The following VPS36 variants were observed in gnomAD, a reference collection of about 807,000 sequenced individuals.
The protein encoded by VPS36 is vacuolar protein-sorting-associated protein 36.
VPS36 carries 31 observed loss-of-function variants against 63.5 expected under a neutral mutation model. That is an observed-to-expected ratio of 0.49 (90% CI 0.37 to 0.66). The LOEUF (loss-of-function observed/expected upper bound fraction) is 0.66, where lower values mean the gene tolerates loss of function less well. Ranked by LOEUF, VPS36 falls within the 30% of genes least tolerant of loss-of-function variation. VPS36 has a pLI of 0.00. For missense variants in VPS36, 338 were observed against 463.7 expected, an observed-to-expected ratio of 0.73 and a Z score of 2.49; for synonymous variants, 138 against 157.2, an observed-to-expected ratio of 0.88 and a Z score of 0.91.
chr13:52,427,948 T>C (rs1958120178), intron 6 of VPS36, among the ~76,000 whole-genome samples: 1 of 152,172 alleles, frequency 6.6e-6, no homozygotes, highest in African/African-American at 2.4e-5. Flanking sequence ...AAAATGGCAA[T>C]ACACAGCTGC....
chr13:52,434,757 TG>T (rs771888206), intron 5 of VPS36, 35 bp downstream of exon 5: 1 of 1,578,550 alleles, frequency 6.3e-7, no homozygotes, highest in Non-Finnish European at 8.7e-7. Flanking sequence ...AGTACAGAGT[TG>T]AAAATACTGG....
At chr13:52,440,894 G>A (rs1394534985) in intron 2 of VPS36, among the ~76,000 whole-genome samples, 1 of 152,162 alleles carries the variant, frequency 6.6e-6, no homozygotes, top group Non-Finnish European at 1.5e-5. Context: ...AGCAGGGGTT[G>A]TGGTTTCAGG....
intron 6 of VPS36, among the ~76,000 whole-genome samples, chr13:52,430,503 G>C (rs957184631): frequency 6.6e-6 from 1 of 151,876 alleles, no homozygotes. Flanking sequence ...GTGGTGGCAC[G>C]CACCTGTAGT....
At chr13:52,445,099 TCATGAGAGATTGTCCC>T (rs1185561815) in intron 1 of VPS36, among the ~76,000 whole-genome samples, 2 of 152,180 alleles carry the variant, frequency 1.3e-5, no homozygotes, top group African/African-American at 2.4e-5. Flanking sequence ...TAAATACACT[TCATGAGAGATTGTCCC>T]ACCAACAAAC....
At chr13:52,429,661 G>C (rs911741191) in intron 6 of VPS36, among the ~76,000 whole-genome samples, 6 of 152,146 alleles carry the variant, frequency 3.9e-5, no homozygotes, top group African/African-American at 1.4e-4. Flanking sequence ...TTAATGGTCC[G>C]TATGGTGAGC....
chr13:52,442,665 A>G (rs1435667361), intron 1 of VPS36, among the ~76,000 whole-genome samples: 2 of 152,224 alleles, frequency 1.3e-5, no homozygotes, highest in Non-Finnish European at 2.9e-5. Flanking sequence ...ACAACCAGGT[A>G]TGATACACAT....
intron 10 of VPS36, among the ~76,000 whole-genome samples, chr13:52,419,057 A>G (rs902349909): frequency 9.8e-5 from 15 of 152,346 alleles, no homozygotes; most frequent in Admixed American, 6.5e-4. Flanking sequence ...TATTGGGAGG[A>G]TAAATGAGGT....
In VPS36 at chr13:52,415,878, T is replaced by C. The variant is rs1408984833; in HGVS notation, c.1113A>G (p.Ser371=). 2.5e-6 allele frequency: 4 copies of C among 1,613,884 alleles called. No individual in the cohort carries two copies. The African/African-American group carries it at 4.0e-5, about 16-fold the overall frequency. Residue 371 remains serine (S), a synonymous_variant, in exon 14 of 14, where the codon TCA becomes TCG. Coordinates refer to ENST00000378060, the MANE Select transcript of VPS36 (RefSeq NM_016075.4). ...EKMGHLCRDD[S]VEGLRFYPNL... ...TTGGGTAAAAACGCAGGCCTTCCAC[T>C]GAGTCATCACGGCAAAGATGGCCCA...
intron 6 of VPS36, among the ~76,000 whole-genome samples, chr13:52,431,753 ACT>A (rs1311677801): frequency 3.5e-5 from 5 of 143,224 alleles, no homozygotes; most frequent in Non-Finnish European, 3.0e-5. Flanking sequence ...ACAGAGTAAG[ACT>A]CTGTCTCAAA....
At chr13:52,425,868 A>G in intron 9 of VPS36, 64 bp downstream of exon 9, 1 of 1,485,346 alleles carries the variant, frequency 6.7e-7, no homozygotes, top group South Asian at 1.5e-5. Context: ...TCTTGTTAAC[A>G]TTTCTAATGA....
Position 52,442,390 on chromosome 13 carries a change from T to A in VPS36, c.152A>T (p.Asp51Val), listed in dbSNP as rs1958288893. The A allele has an allele frequency of 6.2e-7, 1 of 1,605,722 alleles. No individual in the cohort carries two copies. Among genetic ancestry groups the A allele is most frequent in the Non-Finnish European group, 8.5e-7 (1 of 1,177,844 alleles). The change falls in exon 2 of 14, where the codon GAT (aspartate) becomes GTT (valine). Residue 51 changes from aspartate (D) to valine (V), a missense_variant. By Grantham distance (152) the Asp-to-Val change is radical. Transcript: ENST00000378060. ...LLSTHRLIWR[D>V]QKNHECCMAI... ...ACTGTATCTTACATGATTTTTCTGA[T>A]CTCTCCAAATCAGTCGGTGTGTACT...
intron 4 of VPS36, 106 bp from the exon 5 acceptor site, chr13:52,434,988 T>G: frequency 9.9e-7 from 1 of 1,007,500 alleles, no homozygotes; most frequent in Non-Finnish European, 1.4e-6. Flanking sequence ...TTTTTTTTTT[T>G]GAGGTGGAGT....
chr13:52,447,039 C>T (rs1423169572), intron 1 of VPS36, among the ~76,000 whole-genome samples: 24 of 151,870 alleles, frequency 1.6e-4, no homozygotes, highest in Non-Finnish European at 3.1e-4. Flanking sequence ...CCACGCCCAG[C>T]TAATTTTTTG....
At chr13:52,424,622 CA>C (rs1434873646) in intron 9 of VPS36, among the ~76,000 whole-genome samples, 1 of 152,026 alleles carries the variant, frequency 6.6e-6, no homozygotes, top group African/African-American at 2.4e-5. Flanking sequence ...AACAAACAAA[CA>C]AACAAACTTT....
chr13:52,427,281 T>TA, intron 6 of VPS36, 62 bp from the exon 7 acceptor site: 1 of 1,559,156 alleles, frequency 6.4e-7, no homozygotes, highest in Non-Finnish European at 8.8e-7. Flanking sequence ...CTTAAAAAAA[T>TA]GAAGCACCCT....
In VPS36 at chr13:52,439,707, A is replaced by G. The variant is rs565517367; in HGVS notation, c.166-539T>C. ...GTAGTCCACCTGGCTCGGCCTCCCA[A>G]AGTGCTGGGATTACAGGCGTGAGCC... On this transcript the variant is annotated intron_variant, in intron 2 of 13. Transcript: ENST00000378060. 1.2e-4 allele frequency among the ~76,000 whole-genome samples: 19 copies of G among 152,224 alleles called. 2 individuals carry two copies. The highest frequency in any genetic ancestry group is 3.4e-3 in the Middle Eastern group (1 of 294).
At position 52,433,744 on chromosome 13, in the gene VPS36, CCTGG is replaced by C; in HGVS notation, c.442_445del (p.Pro148GlufsTer3). 6.3e-7 allele frequency: 1 copy of C among 1,588,608 alleles called. No individual in the cohort carries two copies. The highest frequency in any genetic ancestry group is 1.9e-5 in the Admixed American group (1 of 53,342). ...TACAATTCCTACAGCCCTTATTCTT[CCTGG>C]CTGAAAAAAAAAAGAGGTAGAAAAT... On this transcript the variant is annotated frameshift_variant and splice_region_variant, in exon 6 of 14. Coordinates refer to ENST00000378060, the MANE Select transcript of VPS36 (RefSeq NM_016075.4). LOFTEE classifies it high-confidence loss of function.
At chr13:52,450,329 G>A (rs1001385901) in intron 1 of VPS36, 170 bp downstream of exon 1, 2 of 1,178,252 alleles carry the variant, frequency 1.7e-6, no homozygotes, top group South Asian at 4.0e-5. Context: ...GCTACCGACC[G>A]GCGGGGAGCG....
At chr13:52,424,041 G>A (rs549586642) in intron 9 of VPS36, among the ~76,000 whole-genome samples, 1 of 151,940 alleles carries the variant, frequency 6.6e-6, no homozygotes, top group African/African-American at 2.4e-5. Flanking sequence ...TGTATTTTTA[G>A]TAGGGACAGG....
Sources: allele counts gnomAD v4.1 joint callset (sites outside exome capture counted in the v4.1 genomes callset), GRCh38; gene constraint gnomAD v4.1.1; transcripts MANE v1.5; gene names NCBI Gene and HGNC (gene_info 2026-07-23, HGNC 2026-07-21).